The following SPAG17 variants were observed in gnomAD, a reference collection of about 807,000 sequenced individuals.
SPAG17 encodes the protein sperm-associated antigen 17.
A neutral mutation model predicts 273.6 loss-of-function variants in SPAG17; 169 were observed. The ratio of observed to expected loss-of-function variants is 0.62; its 90% CI spans 0.55 to 0.70. The LOEUF (loss-of-function observed/expected upper bound fraction) is 0.70, where lower values mean the gene tolerates loss of function less well. SPAG17 is among the 30% of genes least tolerant of loss of function. SPAG17 has a pLI of 0.00. For synonymous variants in SPAG17, 825 were observed against 873.2 expected (o/e 0.94, Z 0.97); for missense variants, 2,557 against 2,627.8 (o/e 0.97, Z 0.59).
intron 1 of SPAG17, among the ~76,000 whole-genome samples, chr1:118,155,994 T>C (rs1280280627): frequency 6.6e-6 from 1 of 152,236 alleles, no homozygotes; most frequent in Non-Finnish European, 1.5e-5. Flanking sequence ...TGAAAATGTA[T>C]GTTTAAAATG....
intron 3 of SPAG17, among the ~76,000 whole-genome samples, chr1:118,130,464 G>C (rs1365186332): frequency 6.6e-6 from 1 of 152,214 alleles, no homozygotes; most frequent in Non-Finnish European, 1.5e-5. Context: ...CAACTCTGGG[G>C]TTTTCCAGGG....
At chr1:118,122,032 T>C (rs1220665003) in intron 3 of SPAG17, among the ~76,000 whole-genome samples, 1 of 152,186 alleles carries the variant, frequency 6.6e-6, no homozygotes, top group Admixed American at 6.5e-5. Context: ...ATATATTCTA[T>C]CTTTAAAGTT....
chr1:118,114,949 G>A (rs531832340), intron 4 of SPAG17, among the ~76,000 whole-genome samples: 12 of 152,146 alleles, frequency 7.9e-5, no homozygotes, highest in East Asian at 1.9e-4. Flanking sequence ...AGTTAGACCC[G>A]AACTGTGAGG....
intron 13 of SPAG17, 126 bp from the exon 14 acceptor site, chr1:118,081,768 G>A (rs1158847315): frequency 1.6e-5 from 12 of 746,164 alleles, no homozygotes; most frequent in Non-Finnish European, 2.4e-5. Context: ...AATGGCTGTT[G>A]AGCTGATTTT....
At chr1:118,089,332 C>CGT (rs72374195) in intron 10 of SPAG17, among the ~76,000 whole-genome samples, 158 of 135,954 alleles carry the variant, frequency 1.2e-3, no homozygotes, top group East Asian at 3.6e-3. Context: ...ATGTAGATGA[C>CGT]GTGTGTGTGT....
intron 1 of SPAG17, among the ~76,000 whole-genome samples, chr1:118,182,921 T>C (rs1661015492): frequency 6.6e-6 from 1 of 152,356 alleles, no homozygotes; most frequent in East Asian, 1.9e-4. Flanking sequence ...TATCATTTTA[T>C]ATTTTAAAAC....
chr1:118,148,133 C>A (rs759051642), intron 3 of SPAG17, among the ~76,000 whole-genome samples: 2 of 152,148 alleles, frequency 1.3e-5, no homozygotes, highest in African/African-American at 2.4e-5. Context: ...TATCTCTTCT[C>A]CCACAGTGCA....
intron 18 of SPAG17, among the ~76,000 whole-genome samples, chr1:118,060,096 T>C (rs542748386): frequency 2.6e-5 from 4 of 152,260 alleles, no homozygotes; most frequent in Admixed American, 2.6e-4. Context: ...TTATGGTTCT[T>C]TTGTTTCTTT....
intron 5 of SPAG17, among the ~76,000 whole-genome samples, chr1:118,101,329 G>A (rs1257422177): frequency 6.6e-6 from 1 of 152,228 alleles, no homozygotes; most frequent in African/African-American, 2.4e-5. Context: ...TGAGGTGGAA[G>A]GATGGCTTGA....
chr1:118,057,447 G>T (rs1185045654), intron 18 of SPAG17, among the ~76,000 whole-genome samples: 1 of 151,990 alleles, frequency 6.6e-6, no homozygotes, highest in Non-Finnish European at 1.5e-5. Context: ...TTTTTAATGA[G>T]TCTGCATGTC....
At chr1:118,148,024 G>GT in intron 3 of SPAG17, among the ~76,000 whole-genome samples, 1 of 152,288 alleles carries the variant, frequency 6.6e-6, no homozygotes, top group East Asian at 1.9e-4. Flanking sequence ...AAATACAGGT[G>GT]TTTAAATGCA....
At chr1:118,040,518 G>A (rs1334707087) in intron 22 of SPAG17, among the ~76,000 whole-genome samples, 3 of 152,142 alleles carry the variant, frequency 2.0e-5, no homozygotes, top group African/African-American at 7.2e-5. Context: ...ATATTAGCAT[G>A]TACCAGCTAA....
intron 8 of SPAG17, 58 bp downstream of exon 8, chr1:118,093,098 A>G: frequency 6.5e-7 from 1 of 1,532,284 alleles, no homozygotes; most frequent in Non-Finnish European, 8.8e-7. Context: ...TATAAATATG[A>G]AAATAAAGTT....
chr1:118,081,299 TTCTG>T lies in SPAG17; in HGVS notation c.2007_2010del (p.Asp669GlufsTer33). 6.2e-7 allele frequency: 1 copy of T among 1,614,050 alleles called. No homozygotes were observed. The highest frequency in any genetic ancestry group is 1.1e-5 in the South Asian group (1 of 91,076). On this transcript the variant is annotated frameshift_variant, in exon 15 of 49. Transcript: ENST00000336338. LOFTEE classifies it high-confidence loss of function. ...GACAAATTCTGATCCACAAATAGTG[TTCTG>T]TCTTTGATTTTAATATCTATTCAGT... is the stretch of plus-strand genomic sequence containing the variant.
At chr1:118,005,388 C>A in intron 32 of SPAG17, 26 bp downstream of exon 32, 1 of 1,560,288 alleles carries the variant, frequency 6.4e-7, no homozygotes, top group Non-Finnish European at 8.7e-7. Flanking sequence ...CACAGGCTCT[C>A]TCTCCATACC....
Position 118,005,394 on chromosome 1 carries a change from ATACCAAAGGTGCACTT to A in SPAG17, c.4776+4_4776+19del, listed in dbSNP as rs1283534099. 6.3e-7 allele frequency: 1 copy of A among 1,582,436 alleles called. No individual in the cohort carries two copies. The highest frequency in any genetic ancestry group is 8.6e-7 in the Non-Finnish European group (1 of 1,165,090). The stretch of plus-strand genomic sequence containing the variant: ...AAGCAAAGCCACAGGCTCTCTCTCC[ATACCAAAGGTGCACTT>A]TACCTGAAAAGTGTTTCCCTCAGGA... On this transcript the variant is annotated splice_donor_5th_base_variant and intron_variant, in intron 32 of 48. Transcript: ENST00000336338.
At chr1:118,146,190 A>G (rs1478499443) in intron 3 of SPAG17, among the ~76,000 whole-genome samples, 1 of 152,226 alleles carries the variant, frequency 6.6e-6, no homozygotes, top group Non-Finnish European at 1.5e-5. Context: ...CATAAAGTTC[A>G]CTTACTGTGT....
At chr1:117,963,586 G>C (rs1218211655) in intron 48 of SPAG17, 3 of 323,000 alleles carry the variant, frequency 9.3e-6, no homozygotes, top group East Asian at 1.0e-4. Flanking sequence ...GGATGGTCTC[G>C]ATCTCCTGAC....
chr1:118,045,186 A>G (rs1571329418), intron 20 of SPAG17, among the ~76,000 whole-genome samples: 1 of 152,194 alleles, frequency 6.6e-6, no homozygotes, highest in Admixed American at 6.5e-5. Flanking sequence ...TTGGAATTTC[A>G]TAAGTGATAG....
Sources: gnomAD v4.1 joint callset for allele counts (sites outside exome capture counted in the v4.1 genomes callset) on GRCh38, gnomAD v4.1.1 for gene constraint, MANE v1.5 for transcripts, NCBI Gene and HGNC (gene_info 2026-07-23, HGNC 2026-07-21) for gene names.